The following NR3C1 variants were observed in gnomAD, a reference collection of about 807,000 sequenced individuals.
The protein encoded by NR3C1 is nuclear receptor subfamily 3 group C member 1, also known as glucocorticoid receptor.
Under a neutral mutation model 74.0 loss-of-function variants are expected in NR3C1, and 14 were observed. The observed-to-expected ratio is 0.19, with a 90% CI of 0.12 to 0.30. The LOEUF (loss-of-function observed/expected upper bound fraction) is 0.30, where lower values mean the gene tolerates loss of function less well. Among genes scored for constraint, NR3C1 ranks in the 10% least tolerant of loss-of-function variants. The pLI, the probability that NR3C1 is intolerant of heterozygous loss-of-function variation, is 1.00. For missense variants in NR3C1, 695 were observed against 909.8 expected (o/e 0.76, Z 3.04); for synonymous variants, 308 against 332.5 (o/e 0.93, Z 0.80).
At chr5:143,404,073 G>A, upstream of NR3C1, 5 of 985,528 alleles carry the variant, frequency 5.1e-6, no homozygotes, top group Non-Finnish European at 3.6e-6. Context: ...GCCCAGCTCC[G>A]CGGCTCCAGA....
intron 7 of NR3C1, chr5:143,294,161 G>T: frequency 1.0e-6 from 1 of 984,792 alleles, no homozygotes; most frequent in Non-Finnish European, 1.2e-6. Context: ...TGTTTAAATA[G>T]ATATGAAATG....
At chr5:143,354,760 T>C (rs766386936) in intron 2 of NR3C1, among the ~76,000 whole-genome samples, 15 of 151,570 alleles carry the variant, frequency 9.9e-5, no homozygotes, top group East Asian at 3.9e-4. Context: ...CCATCTCTAC[T>C]AAAAATACAA....
chr5:143,402,864 G>A (rs1561795728), intron 1 of NR3C1: 5 of 974,886 alleles, frequency 5.1e-6, no homozygotes, highest in Non-Finnish European at 3.7e-6. Flanking sequence ...CGACCCCCTT[G>A]GAGGGAAAGG....
intron 2 of NR3C1, among the ~76,000 whole-genome samples, chr5:143,373,227 GA>G (rs1173769998): frequency 2.7e-5 from 4 of 150,690 alleles, no homozygotes; most frequent in African/African-American, 7.3e-5. Flanking sequence ...TTCCCTTGGG[GA>G]AAAAAAAACT....
intron 7 of NR3C1, among the ~76,000 whole-genome samples, chr5:143,292,492 C>A (rs1183117294): frequency 6.6e-6 from 1 of 152,094 alleles, no homozygotes; most frequent in Non-Finnish European, 1.5e-5. Context: ...CCTTACAGGG[C>A]AGGCCTTTTG....
chr5:143,347,005 T>G (rs1829414027), intron 2 of NR3C1, among the ~76,000 whole-genome samples: 1 of 152,228 alleles, frequency 6.6e-6, no homozygotes, highest in South Asian at 2.1e-4. Flanking sequence ...TACACAGCAC[T>G]GTAAAGGAAA....
intron 1 of NR3C1, chr5:143,402,508 G>C: frequency 1.3e-6 from 1 of 796,810 alleles, no homozygotes. Context: ...AACCTCAGGC[G>C]CGAATTAACA....
intron 2 of NR3C1, among the ~76,000 whole-genome samples, chr5:143,349,933 T>TGACA (rs754947988): frequency 3.0e-4 from 46 of 152,174 alleles, no homozygotes; most frequent in Non-Finnish European, 4.6e-4. Context: ...TGGGCCTGCA[T>TGACA]GACAATGTGA....
chr5:143,292,914 G>A (rs1816274768), intron 7 of NR3C1, among the ~76,000 whole-genome samples: 1 of 152,192 alleles, frequency 6.6e-6, no homozygotes, highest in African/African-American at 2.4e-5. Flanking sequence ...TCTAAGAAAA[G>A]TCATTGCTTT....
chr5:143,357,731 T>C (rs1425933473), intron 2 of NR3C1, among the ~76,000 whole-genome samples: 2 of 152,222 alleles, frequency 1.3e-5, no homozygotes, highest in Non-Finnish European at 2.9e-5. Context: ...AAAAAGAAAA[T>C]TCTGTGCAAA....
Position 143,300,479 on chromosome 5 carries a change from T to C in NR3C1, c.1747+6A>G, listed in dbSNP as rs770768072. The C allele has an allele frequency of 1.9e-6, 3 of 1,614,198 alleles. No homozygotes were observed. Among genetic ancestry groups the C allele is most frequent in the Non-Finnish European group, 2.5e-6 (3 of 1,179,998 alleles). On this transcript the variant is annotated splice_donor_region_variant and intron_variant, in intron 5 of 8. Coordinates refer to ENST00000394464, the MANE Select transcript of NR3C1 (RefSeq NM_000176.3). The surrounding 1 kb of genome is among the most constrained non-coding windows in gnomAD (Gnocchi z 5.2). ...TATAGTTGCTCTTTTATGTTTTGCA[T>C]CTTACCTGGTATTGCCTTTGCCCAT...
At chr5:143,359,533 T>C (rs1831839494) in intron 2 of NR3C1, among the ~76,000 whole-genome samples, 1 of 152,236 alleles carries the variant, frequency 6.6e-6, no homozygotes, top group African/African-American at 2.4e-5. Context: ...TACAAGCTGT[T>C]TAAATGATAA....
At chr5:143,325,139 A>G (rs907437684) in intron 2 of NR3C1, among the ~76,000 whole-genome samples, 6 of 152,186 alleles carry the variant, frequency 3.9e-5, no homozygotes, top group African/African-American at 7.2e-5. Context: ...AATTTACTGT[A>G]TTAGTCCATT....
At chr5:143,349,724 T>C (rs1829913535) in intron 2 of NR3C1, among the ~76,000 whole-genome samples, 1 of 152,216 alleles carries the variant, frequency 6.6e-6, no homozygotes, top group African/African-American at 2.4e-5. Context: ...GCTTATCATA[T>C]ACTAGGCACT....
In NR3C1 at chr5:143,366,543, G is replaced by A. The variant is rs182525334; in HGVS notation, c.1184+33113C>T. 8.0e-5 allele frequency among the ~76,000 whole-genome samples: 12 copies of A among 149,190 alleles called. No individual in the cohort carries two copies. In the East Asian group the frequency reaches 1.4e-3, roughly 17 times the overall value. On this transcript the variant is annotated intron_variant, in intron 2 of 8. Transcript: ENST00000394464. ...AAAAAAAAGCTGTTCCCCTGAAAAC[G>A]GACAAAACTTTACTTTAGCTAGACT...
Position 143,400,386 on chromosome 5 carries a change from T to G in NR3C1, c.454A>C (p.Thr152Pro), listed in dbSNP as rs751925607. Residue 152 changes from threonine (T) to proline (P), a missense_variant, in exon 2 of 9, where the codon ACA (threonine) becomes CCA (proline). Thr to Pro is a conservative substitution (Grantham distance 38). Transcript: ENST00000394464. ...SASTAVSAAP[T>P]EKEFPKTHSD... is the part of the protein sequence containing the mutation. ...TGAGTTTTTGGAAACTCCTTCTCTG[T>G]GGGGGCAGCAGACACAGCAGTGGAT... 1 of 1,614,072 alleles carries G rather than the reference T, an allele frequency of 6.2e-7. No homozygotes were observed. The highest frequency in any genetic ancestry group is 1.3e-5 in the African/African-American group (1 of 74,930).
chr5:143,281,834 A>T lies in NR3C1; in HGVS notation c.*55T>A. On this transcript the variant is annotated 3_prime_UTR_variant, in exon 9 of 9. Transcript: ENST00000394464. ...TCTACAGGACAAACTGATAGTTTAT[A>T]CAATAAAAGCTATTAATTCGACTTT... is the stretch of plus-strand genomic sequence containing the variant. The T allele has an allele frequency of 6.6e-7, 1 of 1,523,450 alleles. No homozygotes were observed. The highest frequency in any genetic ancestry group is 9.1e-7 in the Non-Finnish European group (1 of 1,100,014). The allele number at this position is 1,523,450 out of a possible 1,614,324, so 94.4% of individuals were successfully genotyped here.
intron 4 of NR3C1, among the ~76,000 whole-genome samples, chr5:143,309,073 C>CT (rs397830399): frequency 0.42 from 56,554 of 134,406 alleles, 12,010 homozygotes; most frequent in Admixed American, 0.54. Flanking sequence ...TTTCAGGTTT[C>CT]TTTTTTTTTT....
intron 2 of NR3C1, among the ~76,000 whole-genome samples, chr5:143,318,978 C>CT (rs1285628623): frequency 6.6e-6 from 1 of 152,150 alleles, no homozygotes; most frequent in African/African-American, 2.4e-5. Context: ...CTCATCTTTG[C>CT]TTTTGTACCA....
Sources: allele counts gnomAD v4.1 joint callset (sites outside exome capture counted in the v4.1 genomes callset), GRCh38; gene constraint gnomAD v4.1.1; non-coding constraint Gnocchi (gnomAD v3.1); transcripts MANE v1.5; gene names NCBI Gene and HGNC (gene_info 2026-07-23, HGNC 2026-07-21).